Variants in FBXW7 observed in about 807,000 individuals in gnomAD.
FBXW7 encodes F-box and WD repeat domain containing 7.
A neutral mutation model predicts 86.3 loss-of-function variants in FBXW7; 11 were observed. The observed-to-expected ratio is 0.13, with a 90% CI of 0.08 to 0.21. FBXW7 has a LOEUF of 0.21. Ranked by LOEUF, FBXW7 falls within the 10% of genes least tolerant of loss-of-function variation. The probability of loss-of-function intolerance (pLI) is 1.00; values close to 1 mark genes in which losing one functional copy is unlikely to be tolerated. For synonymous variants in FBXW7, 313 were observed against 297.9 expected, an observed-to-expected ratio of 1.05 and a Z score of -0.52; for missense variants, 488 against 847.4, an observed-to-expected ratio of 0.58 and a Z score of 5.27.
At chr4:152,470,838 AT>A (rs1392728830) in intron 2 of FBXW7, among the ~76,000 whole-genome samples, 1 of 152,166 alleles carries the variant, frequency 6.6e-6, no homozygotes, top group Non-Finnish European at 1.5e-5. Context: ...CTGCTTAAAC[AT>A]TGTAGCTGCA....
chr4:152,483,399 G>GA lies in FBXW7; in HGVS notation c.-120+51541dup, dbSNP rs79957505. On this transcript the variant is annotated intron_variant, in intron 2 of 13. Coordinates refer to ENST00000281708, the MANE Select transcript of FBXW7 (RefSeq NM_001349798.2). ...TTTTAGATATATGGCTCTTTATAGG[G>GA]AAAAAAAAAAAAAGCTTTTTGAGGC... Among the ~76,000 whole-genome samples the GA allele has an allele frequency of 5.7e-3, 773 of 136,668 alleles. 15 individuals are homozygous for GA. Among genetic ancestry groups the GA allele is most frequent in the East Asian group, 0.05 (238 of 4,802 alleles). The allele number at this position is 136,668 out of a possible 152,430, so 89.7% of individuals were successfully genotyped here.
chr4:152,408,977 A>T (rs887774059), intron 4 of FBXW7, among the ~76,000 whole-genome samples: 1 of 152,230 alleles, frequency 6.6e-6, no homozygotes, highest in Non-Finnish European at 1.5e-5. Context: ...TGCTTGCCAT[A>T]AGGCTCCCAA....
chr4:152,535,409 G>A lies in FBXW7; in HGVS notation c.-495C>T, dbSNP rs931853967. Reference sequence around the variant, plus strand: ...ACCCCCGGAGGGGGCTGAGGGGAGGGGGAAGGTGAGGAAAGGACGGCGGCG... The same window carrying A: ...ACCCCCGGAGGGGGCTGAGGGGAGGAGGAAGGTGAGGAAAGGACGGCGGCG... On this transcript the variant is annotated 5_prime_UTR_variant, in exon 1 of 14. Coordinates refer to ENST00000281708, the MANE Select transcript of FBXW7 (RefSeq NM_001349798.2). 13 of 387,530 alleles carry A rather than the reference G, an allele frequency of 3.4e-5. No individual in the cohort carries two copies. The highest frequency in any genetic ancestry group is 4.6e-5 in the Non-Finnish European group (10 of 219,356). The allele number at this position is 387,530 out of a possible 1,614,324, so 24.0% of individuals were successfully genotyped here.
At position 152,505,988 on chromosome 4, in the gene FBXW7, G is replaced by A. The variant is rs1048852784; in HGVS notation, c.-120+28953C>T. The stretch of plus-strand genomic sequence containing the variant: ...ATTCCTGGCCTCAAGCAATTCGTCC[G>A]CCTCGGCCTCCCAAAGTGAATTTAT... On this transcript the variant is annotated intron_variant, in intron 2 of 13. Coordinates refer to ENST00000281708, the MANE Select transcript of FBXW7 (RefSeq NM_001349798.2). 7.2e-5 allele frequency among the ~76,000 whole-genome samples: 11 copies of A among 151,954 alleles called. No individual in the cohort carries two copies. In the East Asian group the frequency reaches 1.5e-3, roughly 21 times the overall value.
chr4:152,496,948 G>C (rs1481133989), intron 2 of FBXW7, among the ~76,000 whole-genome samples: 8 of 152,060 alleles, frequency 5.3e-5, no homozygotes, highest in Admixed American at 5.2e-4. Flanking sequence ...CATGAAAGCA[G>C]ACCAAAGAAG....
At chr4:152,403,163 T>C (rs1737095211) in intron 4 of FBXW7, among the ~76,000 whole-genome samples, 1 of 152,176 alleles carries the variant, frequency 6.6e-6, no homozygotes, top group Admixed American at 6.5e-5. Context: ...GATTTCCTCA[T>C]AAAGCAGTGG....
At chr4:152,444,162 T>G (rs748944353) in intron 2 of FBXW7, among the ~76,000 whole-genome samples, 13 of 152,230 alleles carry the variant, frequency 8.5e-5, no homozygotes, top group Non-Finnish European at 1.8e-4. Context: ...GGTAATTTCA[T>G]ATGATTTAAC....
chr4:152,321,512 G>C lies in FBXW7; in HGVS notation c.*1369C>G, dbSNP rs953311445. ...AAACCACTTTCACAGTTCAGCTTGA[G>C]TTGTGGCTCTTGGAGAATGAGGCAA... On this transcript the variant is annotated 3_prime_UTR_variant, in exon 14 of 14. Transcript: ENST00000281708. 42 of 233,036 alleles carry C rather than the reference G, an allele frequency of 1.8e-4. No individual in the cohort carries two copies. The highest frequency in any genetic ancestry group is 5.1e-4 in the Admixed American group (9 of 17,730). The allele number at this position is 233,036 out of a possible 1,614,324, so 14.4% of individuals were successfully genotyped here. A position where few individuals can be genotyped will look rare whatever the true frequency, so the allele number is the denominator to read the frequency against.
rs562977026 is a variant in FBXW7, at chr4:152,493,700, G to T, written c.-120+41241C>A. ...AACCAAGTGAGGACACAGCAAGAAG[G>T]CACCCTCTGCAAGCCAAGGAGAGAG... On this transcript the variant is annotated intron_variant, in intron 2 of 13. Coordinates refer to ENST00000281708, the MANE Select transcript of FBXW7 (RefSeq NM_001349798.2). Among the ~76,000 whole-genome samples the T allele has an allele frequency of 2.6e-5, 4 of 152,238 alleles. No homozygotes were observed. The South Asian group carries it at 8.3e-4, about 32-fold the overall frequency.
intron 2 of FBXW7, among the ~76,000 whole-genome samples, chr4:152,494,462 G>C (rs1370642354): frequency 6.6e-6 from 1 of 152,154 alleles, no homozygotes; most frequent in Non-Finnish European, 1.5e-5. Context: ...CAACAATCAT[G>C]AATTTATAAT....
At chr4:152,411,999 T>A in intron 3 of FBXW7, 127 bp from the exon 4 acceptor site, 2 of 821,658 alleles carry the variant, frequency 2.4e-6, no homozygotes, top group Non-Finnish European at 3.5e-6. Flanking sequence ...ACCAAGGCAT[T>A]AAAATGTTCT....
At chr4:152,367,241 G>A (rs188202422) in intron 4 of FBXW7, among the ~76,000 whole-genome samples, 39 of 151,978 alleles carry the variant, frequency 2.6e-4, no homozygotes, top group Non-Finnish European at 3.5e-4. Context: ...AAACCTGCAC[G>A]TTGTGCACAT....
At chr4:152,458,204 G>C (rs1693819528) in intron 2 of FBXW7, among the ~76,000 whole-genome samples, 1 of 152,104 alleles carries the variant, frequency 6.6e-6, no homozygotes, top group African/African-American at 2.4e-5. Flanking sequence ...ATTTTTAGTA[G>C]AGATGGGGTT....
At chr4:152,403,076 A>C (rs1472038144) in intron 4 of FBXW7, among the ~76,000 whole-genome samples, 1 of 152,158 alleles carries the variant, frequency 6.6e-6, no homozygotes, top group East Asian at 1.9e-4. Context: ...AAAAACCCTT[A>C]ACATGTTAAA....
chr4:152,506,353 A>C (rs960541103), intron 2 of FBXW7, among the ~76,000 whole-genome samples: 1 of 152,070 alleles, frequency 6.6e-6, no homozygotes, highest in African/African-American at 2.4e-5. Flanking sequence ...GGATGGTCTC[A>C]ATCTCCTGAC....
chr4:152,339,866 C>T lies in FBXW7; in HGVS notation c.727-1930G>A, dbSNP rs576272791. On this transcript the variant is annotated intron_variant, in intron 6 of 13. Coordinates refer to ENST00000281708, the MANE Select transcript of FBXW7 (RefSeq NM_001349798.2). ...CTGTGGCAGGAGGTCAAGTCTGCAA[C>T]GAGCTATGATCATGCCACTGCACTC... Among the ~76,000 whole-genome samples the T allele has an allele frequency of 1.4e-3, 201 of 142,644 alleles. 5 individuals are homozygous for T. The South Asian group carries it at 0.043, about 30-fold the overall frequency. 93.6% of individuals were successfully genotyped at this position (142,644 alleles called of 152,430 possible).
intron 11 of FBXW7, 133 bp from the exon 12 acceptor site, chr4:152,326,364 A>C: frequency 1.5e-6 from 1 of 665,704 alleles, no homozygotes. Context: ...CACAGCAACA[A>C]CCATTTTCAA....
intron 2 of FBXW7, among the ~76,000 whole-genome samples, chr4:152,513,032 T>C (rs1172137073): frequency 6.6e-6 from 1 of 152,124 alleles, no homozygotes; most frequent in Non-Finnish European, 1.5e-5. Flanking sequence ...CGGCTAATTT[T>C]TGTATTTTTA....
intron 4 of FBXW7, among the ~76,000 whole-genome samples, chr4:152,379,104 G>A (rs1270660879): frequency 1.3e-5 from 2 of 152,008 alleles, no homozygotes; most frequent in Non-Finnish European, 2.9e-5. Flanking sequence ...TGCTAGGTAA[G>A]CTATCTAGTG....
Sources: allele counts gnomAD v4.1 joint callset (sites outside exome capture counted in the v4.1 genomes callset), GRCh38; gene constraint gnomAD v4.1.1; transcripts MANE v1.5; gene names NCBI Gene and HGNC (gene_info 2026-07-23, HGNC 2026-07-21).